ADAMTS6: variants seen among roughly 807,000 people sequenced by gnomAD.
The protein encoded by ADAMTS6 is A disintegrin and metalloproteinase with thrombospondin motifs 6.
A neutral mutation model predicts 144.3 loss-of-function variants in ADAMTS6; 23 were observed. The ratio of observed to expected loss-of-function variants is 0.16; its 90% CI spans 0.11 to 0.23. ADAMTS6 has a LOEUF of 0.23. Among genes scored for constraint, ADAMTS6 ranks in the 10% least tolerant of loss-of-function variants. The pLI is 1.00. For missense variants in ADAMTS6, 999 were observed against 1,379.6 expected, an observed-to-expected ratio of 0.72 and a Z score of 4.37; for synonymous variants, 444 against 457.5, an observed-to-expected ratio of 0.97 and a Z score of 0.38.
chr5:65,360,336 C>A (rs1749711461), intron 7 of ADAMTS6, among the ~76,000 whole-genome samples: 1 of 152,038 alleles, frequency 6.6e-6, no homozygotes, highest in Non-Finnish European at 1.5e-5. Context: ...CAATAAATCA[C>A]CCCCAAGATC....
In ADAMTS6 at chr5:65,470,846, G is replaced by A; in HGVS notation, c.394C>T (p.His132Tyr). The A allele has an allele frequency of 6.2e-7, 1 of 1,610,356 alleles. No homozygotes were observed. The highest frequency in any genetic ancestry group is 8.5e-7 in the Non-Finnish European group (1 of 1,179,102). Residue 132 changes from histidine to tyrosine, a missense_variant, in exon 3 of 25, where the codon CAT becomes TAT. Physicochemically the swap from His to Tyr is moderately conservative, Grantham distance 83. Transcript: ENST00000381055. ...TGATCTTGCAAATATCCTGTGTAAT[G>A]ACAGTTGTCTAAAAAATCATGTTTC... ...QWKHDFLDNCHYTGYLQDQRS... is the reference protein window; with the variant it reads ...QWKHDFLDNCYYTGYLQDQRS...
Position 65,262,797 on chromosome 5 carries a change from G to C in ADAMTS6, c.1766+20C>G, listed in dbSNP as rs764646115. 2 of 1,481,220 alleles carry C rather than the reference G, an allele frequency of 1.4e-6. No homozygotes were observed. The highest frequency in any genetic ancestry group is 1.4e-5 in the African/African-American group (1 of 69,084). The allele number at this position is 1,481,220 out of a possible 1,614,324, so 91.8% of individuals were successfully genotyped here. A position where few individuals can be genotyped will look rare whatever the true frequency, so the allele number is the denominator to read the frequency against. Reference sequence around the variant, plus strand: ...CCAACTGTGTCTTTTTGTTGGCTCCGGCTTACTTTAGCTACTTACGCTGGA... The same window carrying C: ...CCAACTGTGTCTTTTTGTTGGCTCCCGCTTACTTTAGCTACTTACGCTGGA... On this transcript the variant is annotated intron_variant, in intron 13 of 24. Transcript: ENST00000381055.
At chr5:65,322,838 G>A (rs1745757760) in intron 9 of ADAMTS6, among the ~76,000 whole-genome samples, 1 of 152,084 alleles carries the variant, frequency 6.6e-6, no homozygotes, top group African/African-American at 2.4e-5. Context: ...GGGATAGTTT[G>A]ACTTCCTCTC....
At chr5:65,187,972 T>C in intron 22 of ADAMTS6, 44 bp downstream of exon 22, 1 of 1,593,436 alleles carries the variant, frequency 6.3e-7, no homozygotes, top group Non-Finnish European at 8.6e-7. Flanking sequence ...GATAGATAGT[T>C]AGGACATTTC....
chr5:65,172,440 T>C (rs1327382510), intron 23 of ADAMTS6, among the ~76,000 whole-genome samples: 1 of 151,886 alleles, frequency 6.6e-6, no homozygotes, highest in African/African-American at 2.4e-5. Context: ...AGAGTAATTA[T>C]CTCTATTTTG....
chr5:65,267,651 G>A (rs1761726053), intron 12 of ADAMTS6, among the ~76,000 whole-genome samples: 1 of 152,020 alleles, frequency 6.6e-6, no homozygotes, highest in East Asian at 1.9e-4. Context: ...ATTTAACTTT[G>A]AAAATTTGTC....
At position 65,262,895 on chromosome 5, in the gene ADAMTS6, G is replaced by A. The variant is rs1270312912; in HGVS notation, c.1688C>T (p.Pro563Leu). 17 of 1,612,528 alleles carry A rather than the reference G, an allele frequency of 1.1e-5. No individual in the cohort carries two copies. Among genetic ancestry groups the A allele is most frequent in the Non-Finnish European group, 1.4e-5 (16 of 1,179,364 alleles). ...GCTGCACTCTCCCCATAGTGACCAG[G>A]GACCCCAGCCCCCATCTATGCTCTG... Reference protein sequence around the residue: ...WPQSIDGGWGPWSLWGECSRT... With the variant: ...WPQSIDGGWGLWSLWGECSRT... Residue 563 changes from proline to leucine, a missense_variant, in exon 13 of 25, where the codon CCC becomes CTC. This residue lies in a region of ADAMTS6 where 619 missense variants were observed against 837.0 expected (regional missense o/e 0.74). Transcript: ENST00000381055.
At chr5:65,311,160 T>C (rs1037717703) in intron 9 of ADAMTS6, among the ~76,000 whole-genome samples, 3 of 152,166 alleles carry the variant, frequency 2.0e-5, no homozygotes, top group African/African-American at 7.2e-5. Flanking sequence ...AATGGGAGAC[T>C]ATCTGCTGAC....
At chr5:65,267,580 A>G (rs2112626715) in intron 12 of ADAMTS6, among the ~76,000 whole-genome samples, 1 of 152,268 alleles carries the variant, frequency 6.6e-6, no homozygotes, top group East Asian at 1.9e-4. Context: ...TTGCTATTAT[A>G]CTACTAAATA....
rs1052217188 is a variant in ADAMTS6, at chr5:65,230,898, A to G, written c.1934-4679T>C. Among the ~76,000 whole-genome samples, 18 of 146,302 alleles carry G rather than the reference A, an allele frequency of 1.2e-4. 1 individual carries two copies. The highest frequency in any genetic ancestry group is 1.5e-4 in the Non-Finnish European group (10 of 66,694). The stretch of plus-strand genomic sequence containing the variant: ...TATATGAAATATATATAAAATACAT[A>G]TATATATGAAATCAAAGCATACTAC... On this transcript the variant is annotated intron_variant, in intron 15 of 24. Coordinates refer to ENST00000381055, the MANE Select transcript of ADAMTS6 (RefSeq NM_197941.4).
At chr5:65,441,909 T>C (rs1052456257) in intron 7 of ADAMTS6, among the ~76,000 whole-genome samples, 4 of 149,738 alleles carry the variant, frequency 2.7e-5, no homozygotes, top group African/African-American at 9.8e-5. Context: ...ACTCAACATA[T>C]CCAAATTTGT....
intron 14 of ADAMTS6, among the ~76,000 whole-genome samples, chr5:65,255,781 A>T (rs993330754): frequency 6.6e-5 from 10 of 152,104 alleles, no homozygotes; most frequent in Admixed American, 3.9e-4. Flanking sequence ...ATTAAAAAAA[A>T]TTTTGTCAGA....
At chr5:65,366,342 C>T (rs1240127053) in intron 7 of ADAMTS6, among the ~76,000 whole-genome samples, 1 of 152,044 alleles carries the variant, frequency 6.6e-6, no homozygotes, top group African/African-American at 2.4e-5. Flanking sequence ...CATTTTCATT[C>T]CGACAATGTC....
chr5:65,154,480 C>G (rs373047992), intron 24 of ADAMTS6, among the ~76,000 whole-genome samples: 3 of 152,166 alleles, frequency 2.0e-5, no homozygotes, highest in African/African-American at 7.2e-5. Flanking sequence ...AGCTTAGGGA[C>G]GTTGGGATTA....
At chr5:65,315,262 G>A (rs918095079) in intron 9 of ADAMTS6, among the ~76,000 whole-genome samples, 1 of 151,672 alleles carries the variant, frequency 6.6e-6, no homozygotes. Context: ...AGATTAGTTA[G>A]AAATTTATAT....
At chr5:65,330,924 TA>T (rs1339890746) in intron 8 of ADAMTS6, among the ~76,000 whole-genome samples, 3 of 152,078 alleles carry the variant, frequency 2.0e-5, no homozygotes, top group African/African-American at 7.2e-5. Context: ...AATTTTTGGT[TA>T]ATATTTAATA....
chr5:65,476,948 A>T (rs1032676765), intron 1 of ADAMTS6, among the ~76,000 whole-genome samples: 1 of 152,180 alleles, frequency 6.6e-6, no homozygotes, highest in Non-Finnish European at 1.5e-5. Flanking sequence ...AGTTAATGTG[A>T]ATAGTTTTTA....
In ADAMTS6 at chr5:65,249,451, G is replaced by A. The variant is rs115547726; in HGVS notation, c.1831-7245C>T. 5.6e-3 allele frequency among the ~76,000 whole-genome samples: 849 copies of A among 152,116 alleles called. 10 individuals are homozygous for A. Among genetic ancestry groups the A allele is most frequent in the African/African-American group, 0.019 (797 of 41,496 alleles). ...CCTAAGGGAAGAATCATGAGAAAGG[G>A]GCCAGCCTATTAAGTTCTAGGATGA... On this transcript the variant is annotated intron_variant, in intron 14 of 24. Coordinates refer to ENST00000381055, the MANE Select transcript of ADAMTS6 (RefSeq NM_197941.4).
intron 21 of ADAMTS6, among the ~76,000 whole-genome samples, chr5:65,191,186 G>C (rs1446404230): frequency 6.6e-6 from 1 of 152,060 alleles, no homozygotes; most frequent in Non-Finnish European, 1.5e-5. Context: ...ATAGCTATTA[G>C]ACATTAACAA....
Sources: gnomAD v4.1 joint callset for allele counts (sites outside exome capture counted in the v4.1 genomes callset) on GRCh38, gnomAD v4.1.1 for gene constraint, gnomAD v4.1.1 regional missense constraint, MANE v1.5 for transcripts, NCBI Gene and HGNC (gene_info 2026-07-23, HGNC 2026-07-21) for gene names.